FAM184B: variants seen among roughly 807,000 people sequenced by gnomAD.
FAM184B encodes the protein family with sequence similarity 184 member B.
In FAM184B, 111 loss-of-function variants were observed where a neutral mutation model predicts 135.9. That is an observed-to-expected ratio of 0.82 (90% CI 0.70 to 0.96). FAM184B has a LOEUF of 0.96. Among genes scored for constraint, FAM184B ranks in the 40% least tolerant of loss-of-function variants. FAM184B has a pLI of 0.00. For synonymous variants in FAM184B, 552 were observed against 524.8 expected, an observed-to-expected ratio of 1.05 and a Z score of -0.71; for missense variants, 1,375 against 1,323.9, an observed-to-expected ratio of 1.04 and a Z score of -0.60.
intron 1 of FAM184B, among the ~76,000 whole-genome samples, chr4:17,721,382 T>TAAAAA (rs1717522850): frequency 2.7e-4 from 1 of 3,648 alleles, no homozygotes; most frequent in African/African-American, 6.3e-4. Context: ...AGATTCTGTC[T>TAAAAA]CAAAAAAAAA....
intron 1 of FAM184B, among the ~76,000 whole-genome samples, chr4:17,712,515 G>A (rs923359381): frequency 6.6e-6 from 1 of 152,130 alleles, no homozygotes; most frequent in Non-Finnish European, 1.5e-5. Flanking sequence ...TGGGTTGCTG[G>A]TTTTTCCTTA....
chr4:17,681,399 G>A (rs569318169), intron 7 of FAM184B, among the ~76,000 whole-genome samples: 6 of 152,322 alleles, frequency 3.9e-5, no homozygotes, highest in Admixed American at 2.0e-4. Flanking sequence ...GCCCTACACT[G>A]TCTTCCCAGG....
chr4:17,708,663 CTATATATATATATATATATATATA>C lies in FAM184B; in HGVS notation c.894+205_894+228del, dbSNP rs60087211. Among the ~76,000 whole-genome samples, 79 of 16,990 alleles carry C rather than the reference CTATATATATATATATATATATATA, an allele frequency of 4.6e-3. 2 individuals are homozygous for C. Among genetic ancestry groups the C allele is most frequent in the South Asian group, 0.029 (10 of 342 alleles). The allele number at this position is 16,990 out of a possible 152,430, so 11.1% of individuals were successfully genotyped here. ...CCGTCTCAAAAATAAGGAAACAAAACTATATATATATATATATATATATATATATATATATATATATATATAGTG... is the reference window on the plus strand; with the variant it reads ...CCGTCTCAAAAATAAGGAAACAAAACTATATATATATATATATATATAGTG... On this transcript the variant is annotated intron_variant, in intron 2 of 17. Coordinates refer to ENST00000265018, the MANE Select transcript of FAM184B (RefSeq NM_015688.2).
chr4:17,733,937 A>G (rs1249523930), intron 1 of FAM184B, among the ~76,000 whole-genome samples: 1 of 152,220 alleles, frequency 6.6e-6, no homozygotes, highest in Non-Finnish European at 1.5e-5. Flanking sequence ...ACTATACTAC[A>G]AGGCTACAGT....
chr4:17,773,953 A>T (rs1282586805), intron 1 of FAM184B, among the ~76,000 whole-genome samples: 2 of 152,228 alleles, frequency 1.3e-5, no homozygotes, highest in Non-Finnish European at 2.9e-5. Context: ...AATACAAAAG[A>T]ATCTTCATTA....
intron 1 of FAM184B, among the ~76,000 whole-genome samples, chr4:17,771,405 C>T (rs1240718147): frequency 3.9e-5 from 6 of 152,114 alleles, no homozygotes; most frequent in Admixed American, 2.0e-4. Context: ...CACTCCCTAC[C>T]GTTTACAGTA....
rs1291519409 is a variant in FAM184B, at chr4:17,688,460, T to A, written c.1560A>T (p.Glu520Asp). Residue 520 changes from glutamate to aspartate, a missense_variant, in exon 7 of 18, where the codon GAA becomes GAT. By Grantham distance (45) the Glu-to-Asp change is conservative. Transcript: ENST00000265018. ...GAATGCTGCAGTGCTGGCGGCCTAA[T>A]TCCTGGGGACTTTCCTCAGCTCCTG... ...RPTGAEESPQ[E>D]LGRQHCSILE... The A allele has an allele frequency of 6.4e-7, 1 of 1,551,154 alleles. No individual in the cohort carries two copies. Among genetic ancestry groups the A allele is most frequent in the Non-Finnish European group, 8.7e-7 (1 of 1,146,892 alleles).
Position 17,708,910 on chromosome 4 carries a change from C to T in FAM184B, c.876G>A (p.Lys292=). The T allele has an allele frequency of 6.6e-7, 1 of 1,523,348 alleles. No homozygotes were observed. The highest frequency in any genetic ancestry group is 8.8e-7 in the Non-Finnish European group (1 of 1,132,958). 94.4% of individuals were successfully genotyped at this position (1,523,348 alleles called of 1,614,324 possible). Residue 292 remains lysine (K), a synonymous_variant, in exon 2 of 18, where the codon AAG becomes AAA. Transcript: ENST00000265018. ...GCTTTACCTGAATCCTCTCCTTCAG[C>T]TTCTGGGCGTACTTCTTCAGGTCAC... is the stretch of plus-strand genomic sequence containing the variant. ...KISDLKKYAQ[K]LKERIQDLDV...
rs950039229 is a variant in FAM184B, at chr4:17,633,678, A to T, written c.3089+11T>A. The T allele has an allele frequency of 6.7e-6, 10 of 1,502,348 alleles. No homozygotes were observed. The African/African-American group carries it at 8.5e-5, about 13-fold the overall frequency. 93.1% of individuals were successfully genotyped at this position (1,502,348 alleles called of 1,614,324 possible). ...TAGAATAAGGGCCCCTGTCCCCAAC[A>T]TCCCCCAAACCTTGTGGCAGTTTTT... On this transcript the variant is annotated intron_variant, in intron 17 of 17. Transcript: ENST00000265018.
At chr4:17,712,776 A>G (rs1717310077) in intron 1 of FAM184B, among the ~76,000 whole-genome samples, 1 of 152,220 alleles carries the variant, frequency 6.6e-6, no homozygotes. Context: ...GCTTTAAAAA[A>G]AAGTCAAAAA....
At chr4:17,737,139 C>T (rs999022420) in intron 1 of FAM184B, among the ~76,000 whole-genome samples, 30 of 149,338 alleles carry the variant, frequency 2.0e-4, no homozygotes, top group Admixed American at 4.7e-4. Flanking sequence ...AGTGAGACTT[C>T]GTCTCAAAAA....
At chr4:17,765,069 G>C (rs780498943) in intron 1 of FAM184B, among the ~76,000 whole-genome samples, 14 of 151,918 alleles carry the variant, frequency 9.2e-5, no homozygotes, top group Non-Finnish European at 1.6e-4. Context: ...CTCAAAAAAA[G>C]AAAAAAAGAA....
At chr4:17,723,877 A>T (rs551872131) in intron 1 of FAM184B, among the ~76,000 whole-genome samples, 1 of 152,288 alleles carries the variant, frequency 6.6e-6, no homozygotes, top group South Asian at 2.1e-4. Flanking sequence ...CTGCCACCAC[A>T]TGACCTCTTT....
chr4:17,634,809 A>G (rs1164340537), intron 16 of FAM184B, among the ~76,000 whole-genome samples, 200 bp downstream of exon 16: 1 of 152,198 alleles, frequency 6.6e-6, no homozygotes, highest in Non-Finnish European at 1.5e-5. Context: ...TATTCTAGAA[A>G]ATTTGGAAAA....
intron 1 of FAM184B, among the ~76,000 whole-genome samples, chr4:17,728,792 C>A (rs1307812671): frequency 6.6e-6 from 1 of 152,142 alleles, no homozygotes; most frequent in Non-Finnish European, 1.5e-5. Context: ...CGAATAGGAA[C>A]AGCTCTGGTC....
intron 1 of FAM184B, among the ~76,000 whole-genome samples, chr4:17,710,290 C>T (rs1437721387): frequency 1.3e-5 from 2 of 151,928 alleles, no homozygotes; most frequent in East Asian, 3.9e-4. Context: ...CACCATTGCA[C>T]TCCAGCCTGG....
At chr4:17,742,166 ATATTT>A (rs1395802866) in intron 1 of FAM184B, among the ~76,000 whole-genome samples, 111 of 36,678 alleles carry the variant, frequency 3.0e-3, no homozygotes, top group African/African-American at 0.021. Flanking sequence ...ATATATATAT[ATATTT>A]TTTTTTTTTA....
intron 7 of FAM184B, among the ~76,000 whole-genome samples, chr4:17,673,550 T>G (rs995194000): frequency 6.6e-6 from 1 of 152,108 alleles, no homozygotes; most frequent in Admixed American, 6.6e-5. Flanking sequence ...ATAAAGAAAC[T>G]GTGGTATATA....
At chr4:17,702,316 A>T (rs1717006005) in intron 5 of FAM184B, among the ~76,000 whole-genome samples, 1 of 152,160 alleles carries the variant, frequency 6.6e-6, no homozygotes, top group Non-Finnish European at 1.5e-5. Context: ...CATCATCTGC[A>T]CCCCTTCCCT....
Sources: gnomAD v4.1 joint callset for allele counts (sites outside exome capture counted in the v4.1 genomes callset) on GRCh38, gnomAD v4.1.1 for gene constraint, MANE v1.5 for transcripts, NCBI Gene and HGNC (gene_info 2026-07-23, HGNC 2026-07-21) for gene names.